LYPD1: variants seen among roughly 807,000 people sequenced by gnomAD.
LYPD1 encodes the protein LY6/PLAUR domain containing 1, also known as ly6/PLAUR domain-containing protein 1.
A neutral mutation model predicts 14.2 loss-of-function variants in LYPD1; 14 were observed. The observed-to-expected ratio is 0.99, with a 90% CI of 0.65 to 1.54. The LOEUF is 1.54. Ranked by LOEUF, LYPD1 falls within the 40% of genes most tolerant of loss-of-function variation. LYPD1 has a pLI of 0.00. For synonymous variants in LYPD1, 85 were observed against 70.6 expected (o/e 1.20, Z -1.02); for missense variants, 165 against 175.7 (o/e 0.94, Z 0.34).
chr2:132,645,435 G>A lies in LYPD1; in HGVS notation c.*610C>T, dbSNP rs140169954. On this transcript the variant is annotated 3_prime_UTR_variant, in exon 3 of 3. Coordinates refer to ENST00000397463, the MANE Select transcript of LYPD1 (RefSeq NM_144586.7). ...AGCGCCCGTTGCTCTTCGCGTCCCGGCGCCAGTCCTCTGCAAGGAGAACTG... is the reference window on the plus strand; with the variant it reads ...AGCGCCCGTTGCTCTTCGCGTCCCGACGCCAGTCCTCTGCAAGGAGAACTG... 104 of 1,613,598 alleles carry A rather than the reference G, an allele frequency of 6.4e-5. No individual in the cohort carries two copies. The African/African-American group carries it at 1.2e-3, about 19-fold the overall frequency.
At chr2:132,670,800 A>G (rs149798820), upstream of LYPD1, among the ~76,000 whole-genome samples, 240 of 151,704 alleles carry the variant, frequency 1.6e-3, no homozygotes, top group African/African-American at 5.5e-3. This position sits in a 1 kb window ranked among gnomAD's most constrained non-coding sequence, Gnocchi z 4.5. Flanking sequence ...GGCGTGGCCA[A>G]TCTGGGTGGG....
intron 2 of LYPD1, among the ~76,000 whole-genome samples, chr2:132,649,879 G>T (rs999754670): frequency 6.6e-6 from 1 of 150,896 alleles, no homozygotes; most frequent in African/African-American, 2.4e-5. Flanking sequence ...AACCTTGGGA[G>T]ATTTTTTTTT....
At chr2:132,647,574 G>A (rs150427994) in intron 2 of LYPD1, among the ~76,000 whole-genome samples, 4,402 of 152,222 alleles carry the variant, frequency 0.029, 91 homozygotes, top group Non-Finnish European at 0.04. Context: ...CTTGTGATCC[G>A]CCTGCCTCAG....
At position 132,645,335 on chromosome 2, in the gene LYPD1, C is replaced by T. The variant is rs761449400; in HGVS notation, c.*710G>A. ...GTGCAGGTGCTGTGCTGCCGCCTGT[C>T]GCTGCAGCACGCCAACCACGAGAAG... On this transcript the variant is annotated 3_prime_UTR_variant, in exon 3 of 3. Coordinates refer to ENST00000397463, the MANE Select transcript of LYPD1 (RefSeq NM_144586.7). 9 of 1,614,170 alleles carry T rather than the reference C, an allele frequency of 5.6e-6. No homozygotes were observed. The highest frequency in any genetic ancestry group is 7.6e-6 in the Non-Finnish European group (9 of 1,180,040).
At chr2:132,653,436 A>C (rs1682431501) in intron 2 of LYPD1, among the ~76,000 whole-genome samples, 1 of 152,258 alleles carries the variant, frequency 6.6e-6, no homozygotes, top group Non-Finnish European at 1.5e-5. Flanking sequence ...GTTCATGCTG[A>C]CATAGATAAA....
rs779343595 is a variant in LYPD1 at position 132,668,384 on chromosome 2, G to T, written c.190+16C>A. 6.3e-7 allele frequency: 1 copy of T among 1,596,650 alleles called. No homozygotes were observed. The highest frequency in any genetic ancestry group is 1.3e-5 in the African/African-American group (1 of 74,170). On this transcript the variant is annotated intron_variant, in intron 2 of 2. Coordinates refer to ENST00000397463, the MANE Select transcript of LYPD1 (RefSeq NM_144586.7). ...CCCAGGCTTAAGAGCGAGGGGGAGGGCTGCCAGGCTCTTACCGGCACTTTG... is the reference window on the plus strand; with the variant it reads ...CCCAGGCTTAAGAGCGAGGGGGAGGTCTGCCAGGCTCTTACCGGCACTTTG...
At chr2:132,646,388 C>G (rs1682079486) in intron 2 of LYPD1, 108 bp from the exon 3 acceptor site, 1 of 648,926 alleles carries the variant, frequency 1.5e-6, no homozygotes, top group Non-Finnish European at 2.4e-6. Context: ...CTCCCACAGC[C>G]CAGAGACTAG....
chr2:132,647,381 G>A (rs894507769), intron 2 of LYPD1, among the ~76,000 whole-genome samples: 1 of 152,158 alleles, frequency 6.6e-6, no homozygotes, highest in African/African-American at 2.4e-5. Context: ...AAATAACCGG[G>A]GATTTTTTAG....
intron 2 of LYPD1, among the ~76,000 whole-genome samples, chr2:132,649,209 G>C (rs1682261692): frequency 6.6e-6 from 1 of 152,138 alleles, no homozygotes; most frequent in Non-Finnish European, 1.5e-5. Context: ...TAGAAATGGG[G>C]AAATTTGAGA....
At chr2:132,664,741 G>T (rs1366821943) in intron 2 of LYPD1, among the ~76,000 whole-genome samples, 1 of 152,184 alleles carries the variant, frequency 6.6e-6, no homozygotes, top group East Asian at 1.9e-4. Flanking sequence ...ACTGTATCTA[G>T]TCAAGAGGAA....
In LYPD1 at chr2:132,669,804, C is replaced by A; in HGVS notation, c.52+77G>T. ...CGCAGGGCTGGCCCCGAGGTGGGCG[C>A]CTTGGGGGCAAAAGGGCTGGCGGGT... On this transcript the variant is annotated intron_variant, in intron 1 of 2. Transcript: ENST00000397463. This position sits in a 1 kb window ranked among gnomAD's most constrained non-coding sequence, Gnocchi z 4.3. 6.3e-7 allele frequency: 1 copy of A among 1,580,380 alleles called. No individual in the cohort carries two copies. The highest frequency in any genetic ancestry group is 8.6e-7 in the Non-Finnish European group (1 of 1,165,326).
intron 2 of LYPD1, among the ~76,000 whole-genome samples, chr2:132,664,859 A>C (rs1395843247): frequency 6.6e-6 from 1 of 152,248 alleles, no homozygotes; most frequent in Non-Finnish European, 1.5e-5. Context: ...AATGAAAATC[A>C]ATATTTGAAA....
intron 2 of LYPD1, among the ~76,000 whole-genome samples, chr2:132,664,073 G>T (rs572808971): frequency 6.6e-6 from 1 of 151,970 alleles, no homozygotes; most frequent in South Asian, 2.1e-4. Context: ...ATATGTGTGC[G>T]CACAGGCATT....
At chr2:132,647,706 AATT>A (rs1428505573) in intron 2 of LYPD1, among the ~76,000 whole-genome samples, 1 of 152,230 alleles carries the variant, frequency 6.6e-6, no homozygotes, top group African/African-American at 2.4e-5. Context: ...CTAGACTTAG[AATT>A]AACAGGTCTT....
intron 2 of LYPD1, among the ~76,000 whole-genome samples, chr2:132,657,157 A>G (rs1187844602): frequency 3.3e-5 from 5 of 152,218 alleles, no homozygotes; most frequent in Admixed American, 3.3e-4. Context: ...CAACTTAATT[A>G]TAGCAAGCAA....
Position 132,669,997 on chromosome 2 carries a change from GC to G in LYPD1, c.-66del. On this transcript the variant is annotated 5_prime_UTR_variant, in exon 1 of 3. The change abolishes the stop of an existing upstream ORF in the 5' untranslated region. Transcript: ENST00000397463. This position sits in a 1 kb window ranked among gnomAD's most constrained non-coding sequence, Gnocchi z 4.3. The stretch of plus-strand genomic sequence containing the variant: ...AGAGGAGGCGACAGCAGCGGAGGCT[GC>G]CCCGGCTGCAGCGGCTGTGGCTGCC... 1 of 1,589,510 alleles carries G rather than the reference GC, an allele frequency of 6.3e-7. No homozygotes were observed. Among genetic ancestry groups the G allele is most frequent in the Non-Finnish European group, 8.5e-7 (1 of 1,173,074 alleles).
chr2:132,654,985 T>G (rs1002919083), intron 2 of LYPD1, among the ~76,000 whole-genome samples: 4 of 152,082 alleles, frequency 2.6e-5, no homozygotes, highest in Non-Finnish European at 5.9e-5. Flanking sequence ...CCTGACCTCG[T>G]GATCCCAAAG....
At chr2:132,650,890 T>C (rs1682338309) in intron 2 of LYPD1, among the ~76,000 whole-genome samples, 1 of 152,156 alleles carries the variant, frequency 6.6e-6, no homozygotes, top group Admixed American at 6.5e-5. Context: ...GGGTAGGTAA[T>C]TTGCTTAGGG....
At chr2:132,649,470 C>T (rs1188703367) in intron 2 of LYPD1, among the ~76,000 whole-genome samples, 2 of 152,144 alleles carry the variant, frequency 1.3e-5, no homozygotes, top group Admixed American at 1.3e-4. Flanking sequence ...CTTCAGCAGG[C>T]AGGCTGGCGA....
Sources: allele counts gnomAD v4.1 joint callset (sites outside exome capture counted in the v4.1 genomes callset), GRCh38; gene constraint gnomAD v4.1.1; non-coding constraint Gnocchi (gnomAD v3.1); transcripts MANE v1.5; gene names NCBI Gene and HGNC (gene_info 2026-07-23, HGNC 2026-07-21).